Variants in STAG2 observed in about 807,000 individuals in gnomAD.
STAG2 encodes the protein cohesin subunit SA-2.
STAG2 carries 14 observed loss-of-function variants against 108.1 expected under a neutral mutation model. The ratio of observed to expected loss-of-function variants is 0.13; its 90% CI spans 0.09 to 0.20. The LOEUF is 0.20. STAG2 is among the 10% of genes least tolerant of loss of function. The probability of loss-of-function intolerance (pLI) is 1.00; values close to 1 mark genes in which losing one functional copy is unlikely to be tolerated. For missense variants in STAG2, 440 were observed against 940.9 expected (o/e 0.47, Z 6.96); for synonymous variants, 307 against 302.7 (o/e 1.01, Z -0.15).
rs775777949 is a variant in STAG2 at position 124,051,257 on chromosome X, T to A, written c.1116+38T>A. 3 of 1,159,589 alleles carry A rather than the reference T, an allele frequency of 2.6e-6. No homozygotes were observed. The African/African-American group carries it at 5.4e-5, about 21-fold the overall frequency. On this transcript the variant is annotated intron_variant, in intron 12 of 34. Coordinates refer to ENST00000371145, the MANE Select transcript of STAG2 (RefSeq NM_001042750.2). Reference sequence around the variant, plus strand: ...TAAGAATTTACAAATAACTTGTCATTTGCAAACACTTTTCTCTTGCTTTCC... The same window carrying A: ...TAAGAATTTACAAATAACTTGTCATATGCAAACACTTTTCTCTTGCTTTCC...
chrX:124,092,873 CT>C (rs781766463), intron 32 of STAG2, among the ~76,000 whole-genome samples: 3 of 112,155 alleles, frequency 2.7e-5, no homozygotes, highest in Non-Finnish European at 5.6e-5. Context: ...GTAAAATTGT[CT>C]TTCTACCCAG....
chrX:124,080,233 C>T (rs1447970240), intron 27 of STAG2, among the ~76,000 whole-genome samples: 2 of 111,041 alleles, frequency 1.8e-5, no homozygotes, highest in African/African-American at 3.3e-5. Flanking sequence ...CTTATCCTGT[C>T]CTACTGAAAC....
intron 6 of STAG2, among the ~76,000 whole-genome samples, chrX:124,039,655 T>A (rs1602987331): frequency 4.5e-5 from 4 of 88,451 alleles, no homozygotes; most frequent in Admixed American, 2.5e-4. Context: ...TTTTTTTTTT[T>A]AATTTAATTT....
At chrX:124,012,867 G>T (rs2056566305) in intron 1 of STAG2, among the ~76,000 whole-genome samples, 1 of 111,543 alleles carries the variant, frequency 9.0e-6, no homozygotes, top group African/African-American at 3.3e-5. Context: ...TAAAAATTCA[G>T]TAATTCATTG....
At chrX:124,032,322 A>G (rs1005328429) in intron 5 of STAG2, among the ~76,000 whole-genome samples, 4 of 112,047 alleles carry the variant, frequency 3.6e-5, no homozygotes, top group Non-Finnish European at 7.5e-5. Flanking sequence ...AATCATTCGA[A>G]TTATGTTTTC....
Position 124,065,899 on chromosome X carries a change from T to C in STAG2, c.2049T>C (p.Asp683=). 8.5e-7 allele frequency: 1 copy of C among 1,173,850 alleles called. No individual in the cohort carries two copies. Among genetic ancestry groups the C allele is most frequent in the Admixed American group, 2.4e-5 (1 of 41,154 alleles). ...LQEGEEPDED[D]AYQVLSTLKR... ...AGGGTGAAGAACCTGATGAAGATGATGCATATCAGGTATTGTCAACATTGA... is the reference window on the plus strand; with the variant it reads ...AGGGTGAAGAACCTGATGAAGATGACGCATATCAGGTATTGTCAACATTGA... The change falls in exon 21 of 35, where the codon GAT becomes GAC. Residue 683 remains aspartate, a synonymous_variant. Coordinates refer to ENST00000371145, the MANE Select transcript of STAG2 (RefSeq NM_001042750.2).
Position 124,088,615 on chromosome X carries a change from CTT to C in STAG2, c.3277+1862_3277+1863del, listed in dbSNP as rs35629422. On this transcript the variant is annotated intron_variant, in intron 30 of 34. Transcript: ENST00000371145. Reference sequence around the variant, plus strand: ...ACACACATTTGCAAATATGTATAATCTTTTTTTTTTTTTTTTTTGATGGAGTT... The same window carrying C: ...ACACACATTTGCAAATATGTATAATCTTTTTTTTTTTTTTTTGATGGAGTT... Among the ~76,000 whole-genome samples, 236 of 82,251 alleles carry C rather than the reference CTT, an allele frequency of 2.9e-3. 2 individuals are homozygous for C. Among genetic ancestry groups the C allele is most frequent in the African/African-American group, 8.2e-3 (186 of 22,666 alleles). The allele number at this position is 82,251 out of a possible 115,157, so 71.4% of individuals were successfully genotyped here.
intron 8 of STAG2, among the ~76,000 whole-genome samples, chrX:124,046,769 TCTTTTGACTTTCC>T (rs2057891442): frequency 2.7e-5 from 3 of 111,956 alleles, no homozygotes; most frequent in African/African-American, 9.7e-5. Flanking sequence ...TGCCCTTTGT[TCTTTTGACTTTCC>T]ATGGAGATCT....
chrX:123,969,456 T>C (rs935906429), intron 1 of STAG2, among the ~76,000 whole-genome samples: 2 of 111,296 alleles, frequency 1.8e-5, no homozygotes, highest in African/African-American at 6.5e-5. Flanking sequence ...TATTTTTTGT[T>C]ATTTAATTGT....
At chrX:124,027,889 CT>C (rs1444275833) in intron 4 of STAG2, among the ~76,000 whole-genome samples, 3 of 110,738 alleles carry the variant, frequency 2.7e-5, no homozygotes, top group African/African-American at 9.9e-5. Context: ...AGCGTATTTG[CT>C]TTTTGTATAA....
chrX:123,972,649 C>G (rs1203674246), intron 1 of STAG2, among the ~76,000 whole-genome samples: 1 of 109,174 alleles, frequency 9.2e-6, no homozygotes, highest in Non-Finnish European at 1.9e-5. Flanking sequence ...GCATTTCTCA[C>G]CAGATGAAGG....
chrX:123,988,902 T>TA (rs1273483021), intron 1 of STAG2, among the ~76,000 whole-genome samples: 1 of 111,610 alleles, frequency 9.0e-6, no homozygotes. Context: ...GTTAAACTGA[T>TA]AAGGTTCATT....
rs774798359 is a variant in STAG2 at position 124,042,145 on chromosome X, A to G, written c.386-424A>G. On this transcript the variant is annotated intron_variant, in intron 6 of 34. Coordinates refer to ENST00000371145, the MANE Select transcript of STAG2 (RefSeq NM_001042750.2). The stretch of plus-strand genomic sequence containing the variant: ...TAGTGCTTAATAAAGAGACTTGACT[A>G]AAGTGAACTCTAGCTATTACTCTTT... 8.1e-5 allele frequency among the ~76,000 whole-genome samples: 9 copies of G among 111,535 alleles called. No homozygotes were observed. In the East Asian group the frequency reaches 2.5e-3, roughly 31 times the overall value.
intron 5 of STAG2, among the ~76,000 whole-genome samples, chrX:124,034,695 C>G (rs1329944347): frequency 9.0e-6 from 1 of 111,353 alleles, no homozygotes; most frequent in Non-Finnish European, 1.9e-5. Flanking sequence ...AAAGCATTCT[C>G]AGACACTACT....
chrX:123,978,812 A>G (rs2054745974), intron 1 of STAG2, among the ~76,000 whole-genome samples: 1 of 111,758 alleles, frequency 8.9e-6, no homozygotes, highest in Non-Finnish European at 1.9e-5. Flanking sequence ...AATCCAAACA[A>G]TATTAATATT....
At chrX:124,010,475 G>C (rs1293805383) in intron 1 of STAG2, among the ~76,000 whole-genome samples, 2 of 111,318 alleles carry the variant, frequency 1.8e-5, no homozygotes, top group Non-Finnish European at 3.8e-5. Context: ...CTTTTAAAAG[G>C]TGTGTAACTC....
chrX:124,062,096 C>G (rs1299807204), intron 17 of STAG2, among the ~76,000 whole-genome samples: 1 of 111,220 alleles, frequency 9.0e-6, no homozygotes, highest in Non-Finnish European at 1.9e-5. Flanking sequence ...GATTGACAGT[C>G]CCTGCCTTCA....
At chrX:124,073,256 C>CA (rs2058718446) in intron 25 of STAG2, among the ~76,000 whole-genome samples, 1 of 111,743 alleles carries the variant, frequency 8.9e-6, no homozygotes, top group Non-Finnish European at 1.9e-5. Flanking sequence ...AAACCTGATA[C>CA]AAAATAAGTT....
At chrX:124,067,509 C>T (rs1010641164) in intron 23 of STAG2, among the ~76,000 whole-genome samples, 2 of 110,665 alleles carry the variant, frequency 1.8e-5, no homozygotes, top group East Asian at 2.8e-4. Flanking sequence ...AACTGATCCG[C>T]GCATTTTGGC....
Sources: gnomAD v4.1 joint callset for allele counts (sites outside exome capture counted in the v4.1 genomes callset) on GRCh38, gnomAD v4.1.1 for gene constraint, MANE v1.5 for transcripts, NCBI Gene and HGNC (gene_info 2026-07-23, HGNC 2026-07-21) for gene names.